The following BPHL variants were observed in gnomAD, a reference collection of about 807,000 sequenced individuals.
BPHL encodes the protein biphenyl hydrolase like.
A neutral mutation model predicts 31.2 loss-of-function variants in BPHL; 27 were observed. That is an observed-to-expected ratio of 0.87 (90% CI 0.64 to 1.19). The LOEUF is 1.19. Ranked by LOEUF, BPHL falls within the 50% of genes most tolerant of loss-of-function variation. BPHL has a pLI of 0.00. For missense variants in BPHL, 356 were observed against 375.7 expected, an observed-to-expected ratio of 0.95 and a Z score of 0.43; for synonymous variants, 150 against 146.8, an observed-to-expected ratio of 1.02 and a Z score of -0.16.
intron 6 of BPHL, among the ~76,000 whole-genome samples, chr6:3,151,826 G>A (rs1053971373): frequency 6.6e-6 from 1 of 152,210 alleles, no homozygotes; most frequent in Non-Finnish European, 1.5e-5. Flanking sequence ...AGCCTTACGA[G>A]GACAGTGTGT....
intron 6 of BPHL, among the ~76,000 whole-genome samples, chr6:3,151,181 G>T (rs180768791): frequency 6.6e-6 from 1 of 152,060 alleles, no homozygotes. Context: ...TAGCCTATAC[G>T]TGACCTTCTA....
chr6:3,135,810 G>T (rs1015015982), intron 4 of BPHL, among the ~76,000 whole-genome samples: 1 of 152,174 alleles, frequency 6.6e-6, no homozygotes, highest in African/African-American at 2.4e-5. Context: ...CTCTTAATCT[G>T]AAAATAAACA....
rs1429218665 is a variant in BPHL at position 3,152,989 on chromosome 6, A to C, written c.*414A>C. 2 of 154,360 alleles carry C rather than the reference A, an allele frequency of 1.3e-5. No homozygotes were observed. The highest frequency in any genetic ancestry group is 2.9e-5 in the Non-Finnish European group (2 of 69,616). 9.6% of individuals were successfully genotyped at this position (154,360 alleles called of 1,614,324 possible). On this transcript the variant is annotated 3_prime_UTR_variant, in exon 7 of 7. Coordinates refer to ENST00000380379, the MANE Select transcript of BPHL (RefSeq NM_004332.4). ...AGCTGCAGTGAGCTGTAATTGCATC[A>C]CTGCACTCCAACCTGGGCAACAGAG...
rs1468881328 is a variant in BPHL at position 3,153,572 on chromosome 6, A to G, written c.*997A>G. 1.9e-5 allele frequency: 10 copies of G among 538,652 alleles called. No homozygotes were observed. The East Asian group carries it at 2.6e-4, about 14-fold the overall frequency. 33.4% of individuals were successfully genotyped at this position (538,652 alleles called of 1,614,324 possible). A position where few individuals can be genotyped will look rare whatever the true frequency, so the allele number is the denominator to read the frequency against. On this transcript the variant is annotated 3_prime_UTR_variant, in exon 7 of 7. Coordinates refer to ENST00000380379, the MANE Select transcript of BPHL (RefSeq NM_004332.4). ...TTAAAATTAAACTTTGATTACCACAATAAAAACAGTAGCAAGTTAAACCTT... is the reference window on the plus strand; with the variant it reads ...TTAAAATTAAACTTTGATTACCACAGTAAAAACAGTAGCAAGTTAAACCTT...
intron 4 of BPHL, among the ~76,000 whole-genome samples, chr6:3,136,957 T>C (rs1762029511): frequency 6.6e-6 from 1 of 152,216 alleles, no homozygotes; most frequent in South Asian, 2.1e-4. Flanking sequence ...TTGCAAACAT[T>C]GTCGCTCTTC....
intron 6 of BPHL, among the ~76,000 whole-genome samples, chr6:3,144,136 T>C (rs9405613): frequency 0.71 from 108,213 of 152,010 alleles, 38,879 homozygotes; most frequent in Non-Finnish European, 0.74. Flanking sequence ...GGCGCGATCT[T>C]GGCTCACTGC....
chr6:3,137,517 T>C lies in BPHL; in HGVS notation c.664+24T>C, dbSNP rs1195920167. The C allele has an allele frequency of 3.7e-6, 6 of 1,613,386 alleles. No homozygotes were observed. The South Asian group carries it at 6.6e-5, about 18-fold the overall frequency. ...TGGTAGGTTACTGGGCTTGAAGGGC[T>C]CTCTGCCTGTTATAGAGGGTGCTCG... On this transcript the variant is annotated intron_variant, in intron 5 of 6. Transcript: ENST00000380379.
chr6:3,147,637 C>T (rs569891351), intron 6 of BPHL, among the ~76,000 whole-genome samples: 1 of 152,006 alleles, frequency 6.6e-6, no homozygotes, highest in South Asian at 2.1e-4. Flanking sequence ...ACCAACAAGA[C>T]GTATATGTGT....
Position 3,149,895 on chromosome 6 carries a change from C to G in BPHL, c.789-2593C>G, listed in dbSNP as rs528629363. On this transcript the variant is annotated intron_variant, in intron 6 of 6. Transcript: ENST00000380379. This position sits in a 1 kb window ranked among gnomAD's most constrained non-coding sequence, Gnocchi z 4.6. Reference sequence around the variant, plus strand: ...CCACCTGCCTCGGCCTCCCAAAATGCTGGGATTACAGGCGTGAGCCACCGT... The same window carrying G: ...CCACCTGCCTCGGCCTCCCAAAATGGTGGGATTACAGGCGTGAGCCACCGT... 1 of 152,390 alleles carries G rather than the reference C, an allele frequency of 6.6e-6. No homozygotes were observed. The highest frequency in any genetic ancestry group is 1.5e-5 in the Non-Finnish European group (1 of 68,084). 9.4% of individuals were successfully genotyped at this position (152,390 alleles called of 1,614,324 possible). A position where few individuals can be genotyped will look rare whatever the true frequency, so the allele number is the denominator to read the frequency against.
chr6:3,128,900 C>A, intron 3 of BPHL, 145 bp from the exon 4 acceptor site: 1 of 1,221,142 alleles, frequency 8.2e-7, no homozygotes, highest in Non-Finnish European at 1.2e-6. Flanking sequence ...ATGATGTCAT[C>A]AAATGGTGGA....
At chr6:3,142,985 G>A (rs965957066) in intron 6 of BPHL, among the ~76,000 whole-genome samples, 14 of 152,248 alleles carry the variant, frequency 9.2e-5, no homozygotes, top group South Asian at 2.1e-4. Context: ...TTGGGAGGCC[G>A]AGGTGGGCAG....
intron 6 of BPHL, among the ~76,000 whole-genome samples, chr6:3,151,501 TCCAAGCACAGCTC>T (rs1185871547): frequency 1.3e-5 from 2 of 152,112 alleles, no homozygotes; most frequent in Non-Finnish European, 2.9e-5. Context: ...CCCAGCATCT[TCCAAGCACAGCTC>T]CCTGCCCCAC....
intron 1 of BPHL, among the ~76,000 whole-genome samples, chr6:3,119,060 T>G (rs1481755604): frequency 1.3e-5 from 2 of 152,238 alleles, no homozygotes; most frequent in Non-Finnish European, 2.9e-5. Flanking sequence ...TGCGCCTCGG[T>G]CAGCCTCAGT....
At chr6:3,131,648 C>G (rs1324354754) in intron 4 of BPHL, among the ~76,000 whole-genome samples, 2 of 152,194 alleles carry the variant, frequency 1.3e-5, no homozygotes, top group East Asian at 3.9e-4. Flanking sequence ...TGGCTGGCCC[C>G]TCCTGCCAGC....
At position 3,129,074 on chromosome 6, in the gene BPHL, G is replaced by T. The variant is rs148936859; in HGVS notation, c.408G>T (p.Leu136=). Residue 136 remains leucine, a synonymous_variant, in exon 4 of 7, where the codon CTG becomes CTT. Transcript: ENST00000380379. ...KALKFKKVSL[L]GWSDGGITAL... ...TGAAGTTTAAGAAGGTTTCTCTGCT[G>T]GGGTGGAGTGATGGGGGCATAACCG... 6.2e-7 allele frequency: 1 copy of T among 1,614,240 alleles called. No individual in the cohort carries two copies. Among genetic ancestry groups the T allele is most frequent in the East Asian group, 2.2e-5 (1 of 44,896 alleles).
intron 1 of BPHL, among the ~76,000 whole-genome samples, chr6:3,122,999 T>C (rs1761616948): frequency 6.6e-6 from 1 of 152,228 alleles, no homozygotes; most frequent in Non-Finnish European, 1.5e-5. Flanking sequence ...CCACCCTCGT[T>C]TCACGCCAGC....
intron 5 of BPHL, 39 bp downstream of exon 5, chr6:3,137,532 G>A (rs1762048319): frequency 1.2e-6 from 2 of 1,610,588 alleles, no homozygotes; most frequent in Admixed American, 3.4e-5. Flanking sequence ...GCCTGTTATA[G>A]AGGGTGCTCG....
At position 3,153,277 on chromosome 6, in the gene BPHL, TTG is replaced by T. The variant is rs1191709770; in HGVS notation, c.*706_*707del. On this transcript the variant is annotated 3_prime_UTR_variant, in exon 7 of 7. Transcript: ENST00000380379. Reference sequence around the variant, plus strand: ...TTTATCTGAGAGGTTCAAGCTTCACTTGTGTTTTTATTTGTGTTTATCTATCA... The same window carrying T: ...TTTATCTGAGAGGTTCAAGCTTCACTTGTTTTTATTTGTGTTTATCTATCA... The T allele has an allele frequency of 4.4e-5, 7 of 159,344 alleles. No homozygotes were observed. Among genetic ancestry groups the T allele is most frequent in the Admixed American group, 4.1e-4 (7 of 17,160 alleles). The allele number at this position is 159,344 out of a possible 1,614,324, so 9.9% of individuals were successfully genotyped here.
upstream of BPHL, chr6:3,118,608 G>A (rs1310568489): frequency 1.5e-5 from 9 of 596,614 alleles, no homozygotes; most frequent in Non-Finnish European, 2.0e-5. Context: ...TCGGGGCGGG[G>A]CGGGCAGAGG....
Sources: gnomAD v4.1 joint callset for allele counts (sites outside exome capture counted in the v4.1 genomes callset) on GRCh38, gnomAD v4.1.1 for gene constraint, Gnocchi (gnomAD v3.1) non-coding constraint, MANE v1.5 for transcripts, NCBI Gene and HGNC (gene_info 2026-07-23, HGNC 2026-07-21) for gene names.